Variants in LINGO2 observed in about 807,000 individuals in gnomAD.
LINGO2 encodes the protein leucine-rich repeat and immunoglobulin-like domain-containing nogo receptor-interacting protein 2.
LINGO2 carries 14 observed loss-of-function variants against 30.6 expected under a neutral mutation model. That is an observed-to-expected ratio of 0.46 (90% CI 0.30 to 0.72). LINGO2 has a LOEUF of 0.72. Ranked by LOEUF, LINGO2 falls within the 30% of genes least tolerant of loss-of-function variation. The pLI is 0.07. For synonymous variants in LINGO2, 317 were observed against 288.5 expected, an observed-to-expected ratio of 1.10 and a Z score of -1.00; for missense variants, 729 against 751.7, an observed-to-expected ratio of 0.97 and a Z score of 0.35.
chr9:28,090,267 G>C (rs560282206), intron 4 of LINGO2, among the ~76,000 whole-genome samples: 7 of 152,144 alleles, frequency 4.6e-5, no homozygotes, highest in African/African-American at 1.7e-4. Context: ...CAAAAAAAGA[G>C]AATTTCAGAC....
chr9:28,052,091 T>C (rs192360494), intron 4 of LINGO2, among the ~76,000 whole-genome samples: 1 of 152,170 alleles, frequency 6.6e-6, no homozygotes, highest in Non-Finnish European at 1.5e-5. Flanking sequence ...TAGCAGAGGG[T>C]AAACTGGGCC....
chr9:28,756,972 T>C, the LINGO2 span, among the ~76,000 whole-genome samples: 2 of 152,020 alleles, frequency 1.3e-5, no homozygotes, highest in Non-Finnish European at 2.9e-5. Context: ...ATAAATGAGA[T>C]AAGATGTGTG....
the LINGO2 span, among the ~76,000 whole-genome samples, chr9:28,738,868 T>C: frequency 6.6e-6 from 1 of 152,008 alleles, no homozygotes; most frequent in East Asian, 1.9e-4. Flanking sequence ...ATTAAATCCA[T>C]GGTTTAAAAA....
At chr9:29,084,495 T>C in the LINGO2 span, among the ~76,000 whole-genome samples, 4 of 152,094 alleles carry the variant, frequency 2.6e-5, no homozygotes, top group Non-Finnish European at 5.9e-5. Context: ...CAGGGGATAA[T>C]GTAAAATACA....
At position 28,359,112 on chromosome 9, in the gene LINGO2, A is replaced by C. The variant is rs1054182568; in HGVS notation, c.-246+13724T>G. On this transcript the variant is annotated intron_variant, in intron 3 of 5. Coordinates refer to ENST00000379992, the Ensembl canonical transcript of LINGO2. ...TTACCTAACCCAAACTTCTACTTAC[A>C]AAAGAATCGACTGCAAAGAGGACAT... Among the ~76,000 whole-genome samples, 3 of 152,146 alleles carry C rather than the reference A, an allele frequency of 2.0e-5. No homozygotes were observed. In the South Asian group the frequency reaches 6.2e-4, roughly 31 times the overall value.
At chr9:27,990,672 C>T (rs546329765) in intron 5 of LINGO2, among the ~76,000 whole-genome samples, 6 of 152,056 alleles carry the variant, frequency 3.9e-5, no homozygotes, top group African/African-American at 1.2e-4. Context: ...GAGGTTATCG[C>T]ATTCAGTGGT....
chr9:28,924,117 G>C, the LINGO2 span, among the ~76,000 whole-genome samples: 1 of 152,142 alleles, frequency 6.6e-6, no homozygotes, highest in Admixed American at 6.5e-5. Context: ...ATCTTGGCAC[G>C]TGCCCTGTGT....
the LINGO2 span, among the ~76,000 whole-genome samples, chr9:28,712,759 T>A: frequency 6.6e-6 from 1 of 152,080 alleles, no homozygotes; most frequent in Non-Finnish European, 1.5e-5. Context: ...ATTTCAAATA[T>A]GTAGCAAACA....
intron 2 of LINGO2, among the ~76,000 whole-genome samples, chr9:28,405,068 C>T (rs200121668): frequency 3.9e-5 from 6 of 151,998 alleles, no homozygotes; most frequent in African/African-American, 9.7e-5. Context: ...GTGCCTTTCT[C>T]GTTAGGAGAT....
the LINGO2 span, among the ~76,000 whole-genome samples, chr9:28,763,803 A>AGG: frequency 2.0e-5 from 3 of 151,670 alleles, no homozygotes; most frequent in Non-Finnish European, 4.4e-5. Context: ...AGAGAGAGAG[A>AGG]GAGGATACAA....
chr9:28,771,617 T>G, the LINGO2 span, among the ~76,000 whole-genome samples: 1 of 152,070 alleles, frequency 6.6e-6, no homozygotes, highest in Non-Finnish European at 1.5e-5. Context: ...AGAATTTAGT[T>G]AATCTCTCTA....
intron 4 of LINGO2, among the ~76,000 whole-genome samples, chr9:28,207,574 A>G (rs1820450676): frequency 6.6e-6 from 1 of 152,094 alleles, no homozygotes; most frequent in Admixed American, 6.6e-5. Flanking sequence ...CACTTCCAAT[A>G]TTCAATAACA....
the LINGO2 span, among the ~76,000 whole-genome samples, chr9:28,911,008 G>T: frequency 1.3e-5 from 2 of 152,022 alleles, no homozygotes; most frequent in Non-Finnish European, 2.9e-5. Flanking sequence ...TCACATGGAA[G>T]AAATTAAGTC....
intron 4 of LINGO2, among the ~76,000 whole-genome samples, chr9:28,125,227 T>C (rs1333964507): frequency 6.6e-6 from 1 of 152,210 alleles, no homozygotes; most frequent in African/African-American, 2.4e-5. Context: ...GGCTATAAAT[T>C]TCTTTAGACC....
At chr9:28,994,195 A>C in the LINGO2 span, among the ~76,000 whole-genome samples, 2 of 152,202 alleles carry the variant, frequency 1.3e-5, no homozygotes, top group African/African-American at 4.8e-5. Flanking sequence ...TCAATGTACA[A>C]AAATCACAAG....
chr9:28,404,306 T>A (rs1822402109), intron 2 of LINGO2, among the ~76,000 whole-genome samples: 1 of 152,062 alleles, frequency 6.6e-6, no homozygotes. Flanking sequence ...AAAAGATGAA[T>A]AAATATATTC....
At chr9:28,028,636 A>T (rs1458077505) in intron 4 of LINGO2, among the ~76,000 whole-genome samples, 2 of 152,220 alleles carry the variant, frequency 1.3e-5, no homozygotes, top group African/African-American at 4.8e-5. Flanking sequence ...AAAAAATGGC[A>T]TAGTATTTGC....
chr9:28,026,254 C>CA (rs1214843670), intron 4 of LINGO2, among the ~76,000 whole-genome samples: 6 of 152,148 alleles, frequency 3.9e-5, no homozygotes, highest in Non-Finnish European at 8.8e-5. Context: ...TTGATGTTTA[C>CA]ATACCTACTA....
intron 4 of LINGO2, among the ~76,000 whole-genome samples, chr9:28,254,570 A>T (rs367803800): frequency 1.6e-4 from 25 of 152,272 alleles, no homozygotes; most frequent in African/African-American, 5.5e-4. Flanking sequence ...AGCAACTGAT[A>T]GCTTTTAGAG....
Sources: allele counts gnomAD v4.1 joint callset (sites outside exome capture counted in the v4.1 genomes callset), GRCh38; gene constraint gnomAD v4.1.1; transcripts MANE v1.5; gene names NCBI Gene and HGNC (gene_info 2026-07-23, HGNC 2026-07-21).